Variants in C11orf65 observed in about 807,000 individuals in gnomAD.
The protein encoded by C11orf65 is protein MFI.
In C11orf65, 38 loss-of-function variants were observed where a neutral mutation model predicts 35.3. The observed-to-expected ratio is 1.08, with a 90% CI of 0.83 to 1.41. The LOEUF (loss-of-function observed/expected upper bound fraction) is 1.41, where lower values mean the gene tolerates loss of function less well. Among genes scored for constraint, C11orf65 ranks in the 40% most tolerant of loss-of-function variants. C11orf65 has a pLI of 0.00. For missense variants in C11orf65, 370 were observed against 367.1 expected (o/e 1.01, Z -0.06); for synonymous variants, 105 against 114.4 (o/e 0.92, Z 0.53).
intron 2 of C11orf65, among the ~76,000 whole-genome samples, chr11:108,339,804 T>C (rs945365247): frequency 6.6e-6 from 1 of 152,014 alleles, no homozygotes. Context: ...TTAGACAGAG[T>C]ACACTACACT....
intron 1 of C11orf65, among the ~76,000 whole-genome samples, chr11:108,464,297 T>C (rs992834871): frequency 1.3e-5 from 2 of 152,120 alleles, no homozygotes; most frequent in Middle Eastern, 3.2e-3. Flanking sequence ...TATATATTTC[T>C]GTTTTTTGTT....
chr11:108,316,157 G>A (rs1166741338), intron 6 of C11orf65: 7 of 1,533,336 alleles, frequency 4.6e-6, no homozygotes, highest in Non-Finnish European at 6.3e-6. Context: ...CTAGTGTAGT[G>A]CTGAGGTTAT....
chr11:108,311,031 G>A (rs915420579), intron 6 of C11orf65, among the ~76,000 whole-genome samples: 2 of 152,160 alleles, frequency 1.3e-5, no homozygotes, highest in African/African-American at 4.8e-5. Context: ...GCAGTGGTGC[G>A]ATCATAGCTC....
At chr11:108,342,764 T>C (rs2087749132) in intron 2 of C11orf65, among the ~76,000 whole-genome samples, 1 of 152,224 alleles carries the variant, frequency 6.6e-6, no homozygotes, top group African/African-American at 2.4e-5. Context: ...GTGAAGATAA[T>C]AAGACTAAAG....
intron 7 of C11orf65, among the ~76,000 whole-genome samples, chr11:108,390,911 A>AT (rs2092144747): frequency 6.6e-6 from 1 of 152,028 alleles, no homozygotes; most frequent in East Asian, 1.9e-4. Context: ...TTAGTCCTTT[A>AT]TTTTTTATCT....
intron 6 of C11orf65, among the ~76,000 whole-genome samples, chr11:108,394,612 T>C (rs190728065): frequency 1.3e-5 from 2 of 152,198 alleles, no homozygotes; most frequent in South Asian, 2.1e-4. Flanking sequence ...ATCAAAACTT[T>C]TTTTGGTATT....
At position 108,354,568 on chromosome 11, in the gene C11orf65, TA is replaced by T. The variant is rs565673266; in HGVS notation, c.227-19277del. On this transcript the variant is annotated intron_variant, in intron 2 of 3. Coordinates refer to the C11orf65 transcript ENST00000524755. ...AGCTGAGCCCAGTGGTGCATGCCTG[TA>T]ATCAATAGTGTTGTGTTATTCTTGT... Among the ~76,000 whole-genome samples, 60 of 152,352 alleles carry T rather than the reference TA, an allele frequency of 3.9e-4. 1 individual carries two copies. Among genetic ancestry groups the T allele is most frequent in the African/African-American group, 1.3e-3 (54 of 41,582 alleles).
intron 2 of C11orf65, among the ~76,000 whole-genome samples, chr11:108,363,736 G>C (rs2091048298): frequency 6.6e-6 from 1 of 152,106 alleles, no homozygotes; most frequent in Admixed American, 6.5e-5. Context: ...CTTCTGTCTT[G>C]TCAGACTGAA....
chr11:108,429,198 A>G (rs1169030665), intron 3 of C11orf65, among the ~76,000 whole-genome samples: 1 of 152,140 alleles, frequency 6.6e-6, no homozygotes, highest in Non-Finnish European at 1.5e-5. Flanking sequence ...CACCAACCAC[A>G]TAGGAAAATA....
At chr11:108,446,603 G>C (rs1181779807) in intron 2 of C11orf65, among the ~76,000 whole-genome samples, 1 of 152,040 alleles carries the variant, frequency 6.6e-6, no homozygotes, top group Non-Finnish European at 1.5e-5. Flanking sequence ...GTCACCACCA[G>C]GCCTGCCCTA....
intron 2 of C11orf65, among the ~76,000 whole-genome samples, chr11:108,456,639 AGGCAT>A (rs1325014119): frequency 2.0e-5 from 3 of 151,698 alleles, no homozygotes; most frequent in African/African-American, 7.3e-5. Flanking sequence ...AAAATTAGCC[AGGCAT>A]GGTAGTGCAC....
chr11:108,454,481 A>G (rs2093389335), intron 2 of C11orf65, among the ~76,000 whole-genome samples: 2 of 151,892 alleles, frequency 1.3e-5, no homozygotes. Flanking sequence ...TATTTTTAGT[A>G]GAGACGAGGT....
Position 108,359,089 on chromosome 11 carries a change from G to T in C11orf65, c.227-23797C>A, listed in dbSNP as rs2090392297. On this transcript the variant is annotated intron_variant, in intron 2 of 3. Coordinates refer to the C11orf65 transcript ENST00000524755. Reference sequence around the variant, plus strand: ...AGACACACATAGGCTCAAAATAAAAGGATGGAGGAAGATCTACCAAGCAAA... The same window carrying T: ...AGACACACATAGGCTCAAAATAAAATGATGGAGGAAGATCTACCAAGCAAA... 2.0e-5 allele frequency among the ~76,000 whole-genome samples: 3 copies of T among 148,848 alleles called. No homozygotes were observed. In the South Asian group the frequency reaches 6.6e-4, roughly 33 times the overall value.
At position 108,319,933 on chromosome 11, in the gene C11orf65, TTTCTTTGACTTATCTC is replaced by T; in HGVS notation, c.641-10878_641-10863del. The T allele has an allele frequency of 6.5e-7, 1 of 1,542,600 alleles. No homozygotes were observed. Among genetic ancestry groups the T allele is most frequent in the Non-Finnish European group, 9.0e-7 (1 of 1,115,210 alleles). On this transcript the variant is annotated intron_variant, in intron 6 of 6. Coordinates refer to the C11orf65 transcript ENST00000525729. ...AGGGTTCTGTTTTTAAGTATATTTT[TTTCTTTGACTTATCTC>T]ACAGCAAAGAAGTAGAAGGAACCAG...
chr11:108,374,649 C>T (rs542021760), intron 2 of C11orf65, among the ~76,000 whole-genome samples: 13 of 152,178 alleles, frequency 8.5e-5, no homozygotes, highest in Non-Finnish European at 1.6e-4. Context: ...ATGACTTTGA[C>T]GAGTTGAGAG....
At chr11:108,340,984 C>A (rs227071) in intron 2 of C11orf65, among the ~76,000 whole-genome samples, 151,489 of 152,264 alleles carry the variant, frequency 0.99, 75,369 homozygotes, top group Middle Eastern at 1. Context: ...GAATCTGCAG[C>A]TGCAGAGGGC....
intron 7 of C11orf65, among the ~76,000 whole-genome samples, chr11:108,391,159 T>C (rs72992115): frequency 3.9e-5 from 6 of 152,328 alleles, no homozygotes; most frequent in African/African-American, 1.2e-4. Flanking sequence ...TGATTTCTTC[T>C]GTTTTCTTAC....
intron 2 of C11orf65, among the ~76,000 whole-genome samples, chr11:108,443,799 C>T (rs2093202597): frequency 6.6e-6 from 1 of 152,152 alleles, no homozygotes; most frequent in Non-Finnish European, 1.5e-5. Context: ...ATACCAGAAT[C>T]TCTGGGACAC....
rs577315926 is a variant in C11orf65 at position 108,375,164 on chromosome 11, C to A, written c.226+18044G>T. ...CCACAAAGATACTCCTCGAGAAGAG[C>A]AACTCCAAGACACATAATTGTCAGA... On this transcript the variant is annotated intron_variant, in intron 2 of 3. Transcript: ENST00000524755. Among the ~76,000 whole-genome samples the A allele has an allele frequency of 2.2e-3, 334 of 151,998 alleles. 2 individuals carry two copies. Among genetic ancestry groups the A allele is most frequent in the African/African-American group, 7.4e-3 (308 of 41,486 alleles).
Sources: gnomAD v4.1 joint callset for allele counts (sites outside exome capture counted in the v4.1 genomes callset) on GRCh38, gnomAD v4.1.1 for gene constraint, MANE v1.5 for transcripts, NCBI Gene and HGNC (gene_info 2026-07-23, HGNC 2026-07-21) for gene names.